Variants in RBM41 observed in about 807,000 individuals in gnomAD.
The protein encoded by RBM41 is RNA-binding protein 41.
In RBM41, 14 loss-of-function variants were observed where a neutral mutation model predicts 30.8. The observed-to-expected ratio is 0.45, with a 90% CI of 0.30 to 0.71. The LOEUF is 0.71. Ranked by LOEUF, RBM41 falls within the 30% of genes least tolerant of loss-of-function variation. The pLI is 0.08. For synonymous variants in RBM41, 120 were observed against 110.1 expected (o/e 1.09, Z -0.56); for missense variants, 276 against 326.3 (o/e 0.85, Z 1.19).
intron 5 of RBM41, among the ~76,000 whole-genome samples, chrX:107,106,490 AC>A (rs1924001020): frequency 9.0e-6 from 1 of 111,381 alleles, no homozygotes. Context: ...AACTAGAAAT[AC>A]CATTTGACCC....
At chrX:107,067,774 C>T (rs1935901273) in intron 7 of RBM41, 81 bp from the exon 8 acceptor site, 2 of 1,050,153 alleles carry the variant, frequency 1.9e-6, no homozygotes, top group African/African-American at 1.9e-5. Flanking sequence ...GATTATTTTG[C>T]CTTGGAGTTA....
At chrX:107,092,043 C>T (rs1360785050) in intron 5 of RBM41, among the ~76,000 whole-genome samples, 26 of 111,731 alleles carry the variant, frequency 2.3e-4, no homozygotes. Context: ...TGAAGTGAAA[C>T]TGCTGAGACA....
At position 107,115,963 on chromosome X, in the gene RBM41, G is replaced by T. The variant is rs1257864680; in HGVS notation, c.217C>A (p.Gln73Lys). Reference protein sequence around the residue: ...AAGTMTLSQFQTLHEKDQETA... With the variant: ...AAGTMTLSQFKTLHEKDQETA... Reference sequence around the variant, plus strand: ...TCCTGGTCCTTCTCATGCAGTGTCTGGAATTGGGACAAAGTCATAGTCCCA... The same window carrying T: ...TCCTGGTCCTTCTCATGCAGTGTCTTGAATTGGGACAAAGTCATAGTCCCA... Residue 73 changes from glutamine (Q) to lysine (K), a missense_variant, in exon 3 of 8, where the codon CAG becomes AAG. Physicochemically the swap from Gln to Lys is moderately conservative, Grantham distance 53 (BLOSUM62 1). Transcript: ENST00000685964. The T allele has an allele frequency of 8.3e-7, 1 of 1,210,248 alleles. No individual in the cohort carries two copies. Among genetic ancestry groups the T allele is most frequent in the Admixed American group, 2.2e-5 (1 of 46,005 alleles).
intron 1 of RBM41, among the ~76,000 whole-genome samples, chrX:107,117,903 A>ATATACAT (rs1569349760): frequency 9.0e-6 from 1 of 111,561 alleles, no homozygotes; most frequent in Non-Finnish European, 1.9e-5. Context: ...TAAGCTGTAT[A>ATATACAT]TATACATTAT....
intron 5 of RBM41, among the ~76,000 whole-genome samples, chrX:107,105,789 C>T (rs1216542156): frequency 2.0e-3 from 217 of 111,193 alleles, no homozygotes; most frequent in Non-Finnish European, 3.1e-3. Context: ...ATTTAATAAA[C>T]AGTGCTGGGA....
chrX:107,056,370 T>C, the RBM41 span, among the ~76,000 whole-genome samples: 1 of 112,232 alleles, frequency 8.9e-6, no homozygotes, highest in Non-Finnish European at 1.9e-5. Context: ...TGTATTTTTC[T>C]GGCTTTGATG....
At chrX:107,052,104 C>A in the RBM41 span, among the ~76,000 whole-genome samples, 1 of 111,346 alleles carries the variant, frequency 9.0e-6, no homozygotes, top group South Asian at 3.9e-4. Flanking sequence ...ATAAAACATA[C>A]CATCTAGACT....
chrX:107,084,555 G>A (rs1921850493), intron 6 of RBM41, among the ~76,000 whole-genome samples: 1 of 110,898 alleles, frequency 9.0e-6, no homozygotes, highest in Non-Finnish European at 1.9e-5. Context: ...TGAAACTTGT[G>A]GGGTTCCTGG....
chrX:107,097,316 C>A (rs1923062793), intron 5 of RBM41, among the ~76,000 whole-genome samples: 1 of 111,768 alleles, frequency 8.9e-6, no homozygotes, highest in African/African-American at 3.3e-5. Context: ...AAAGATTAAA[C>A]AATGCGGTAT....
chrX:107,065,789 C>G lies in RBM41; in HGVS notation c.*1738G>C. 1 of 1,131,849 alleles carries G rather than the reference C, an allele frequency of 8.8e-7. No homozygotes were observed. The highest frequency in any genetic ancestry group is 1.2e-6 in the Non-Finnish European group (1 of 855,092). 93.3% of individuals were successfully genotyped at this position (1,131,849 alleles called of 1,213,427 possible). A position where few individuals can be genotyped will look rare whatever the true frequency, so the allele number is the denominator to read the frequency against. On this transcript the variant is annotated 3_prime_UTR_variant, in exon 8 of 8. Coordinates refer to ENST00000685964, the MANE Select transcript of RBM41 (RefSeq NM_001324242.2). ...ATCGGCAAATATATTATATTTTATA[C>G]GTTATAGGCCAAACGATGCAACTAT...
At chrX:107,114,084 G>C (rs1924707639) in intron 4 of RBM41, among the ~76,000 whole-genome samples, 1 of 111,347 alleles carries the variant, frequency 9.0e-6, no homozygotes, top group Non-Finnish European at 1.9e-5. Context: ...TTGCCAATTG[G>C]TAAGTCACAC....
At position 107,112,343 on chromosome X, in the gene RBM41, C is replaced by G. The variant is rs143397726; in HGVS notation, c.595+1054G>C. Among the ~76,000 whole-genome samples the G allele has an allele frequency of 9.3e-3, 1,041 of 111,668 alleles. 14 individuals are homozygous for G. The highest frequency in any genetic ancestry group is 0.032 in the African/African-American group (981 of 30,835). On this transcript the variant is annotated intron_variant, in intron 5 of 7. Transcript: ENST00000685964. ...TTAAAACTACAATGAGGTACCACTT[C>G]ACAGCTATTGAAATAACCAAAATAA...
chrX:107,087,613 A>AT (rs201836212), intron 6 of RBM41, among the ~76,000 whole-genome samples: 159 of 110,600 alleles, frequency 1.4e-3, no homozygotes, highest in Admixed American at 2.3e-3. Flanking sequence ...GTATTGGACA[A>AT]TTTTTTTTGA....
chrX:107,065,821 A>G lies in RBM41; in HGVS notation c.*1706T>C. ...GGCCAAACGATGCAACTATATACAT[A>G]TTGTTTTATACAACTGTGTTTTACA... On this transcript the variant is annotated 3_prime_UTR_variant, in exon 8 of 8. Coordinates refer to ENST00000685964, the MANE Select transcript of RBM41 (RefSeq NM_001324242.2). 9.5e-7 allele frequency: 1 copy of G among 1,049,112 alleles called. No individual in the cohort carries two copies. Among genetic ancestry groups the G allele is most frequent in the Non-Finnish European group, 1.3e-6 (1 of 798,134 alleles). 86.5% of individuals were successfully genotyped at this position (1,049,112 alleles called of 1,213,427 possible).
downstream of RBM41, among the ~76,000 whole-genome samples, chrX:107,057,985 G>A (rs1935600158): frequency 9.0e-6 from 1 of 111,668 alleles, no homozygotes; most frequent in African/African-American, 3.3e-5. Context: ...CTAATCATCA[G>A]GAAAATGCAA....
intron 5 of RBM41, among the ~76,000 whole-genome samples, chrX:107,093,484 A>G (rs1400390571): frequency 1.8e-5 from 2 of 112,287 alleles, no homozygotes; most frequent in African/African-American, 3.2e-5. Flanking sequence ...AAACTTCTAA[A>G]TAACCCATGG....
At chrX:107,055,639 G>A in the RBM41 span, among the ~76,000 whole-genome samples, 1 of 112,484 alleles carries the variant, frequency 8.9e-6, no homozygotes, top group African/African-American at 3.2e-5. Flanking sequence ...TTATTTGAAT[G>A]ACTCATTATT....
intron 6 of RBM41, among the ~76,000 whole-genome samples, chrX:107,086,314 C>G (rs923021810): frequency 1.8e-5 from 2 of 111,110 alleles, no homozygotes; most frequent in African/African-American, 6.6e-5. Flanking sequence ...TTGTTACTCT[C>G]GACCAGCAGG....
intron 5 of RBM41, among the ~76,000 whole-genome samples, chrX:107,099,518 T>C (rs991428184): frequency 1.8e-5 from 2 of 112,167 alleles, no homozygotes; most frequent in Admixed American, 9.4e-5. Flanking sequence ...ATTTTCACAT[T>C]TGCTAAATGG....
Sources: allele counts gnomAD v4.1 joint callset (sites outside exome capture counted in the v4.1 genomes callset), GRCh38; gene constraint gnomAD v4.1.1; transcripts MANE v1.5; gene names NCBI Gene and HGNC (gene_info 2026-07-23, HGNC 2026-07-21).